GGT6: variants seen among roughly 807,000 people sequenced by gnomAD.
The protein encoded by GGT6 is glutathione hydrolase 6.
Under a neutral mutation model 17.0 loss-of-function variants are expected in GGT6, and 13 were observed. The observed-to-expected ratio is 0.77, with a 90% CI of 0.50 to 1.22. GGT6 has a LOEUF of 1.22. GGT6 is among the 50% of genes most tolerant of loss of function. The pLI is 0.00. For synonymous variants in GGT6, 305 were observed against 297.9 expected (o/e 1.02, Z -0.25); for missense variants, 628 against 643.7 (o/e 0.98, Z 0.26).
chr17:4,559,574 G>A lies in GGT6; in HGVS notation c.327C>T (p.Ala109=). The change falls in exon 2 of 4, where the codon GCC becomes GCT. Residue 109 remains alanine (A), a synonymous_variant. Transcript: ENST00000381550. The part of the protein sequence containing the change: ...SHGPGVYHHG[A]IISPAATCSH... ...CTGACTGACCTGCAGGGCTGATGATGGCACCGTGGTGGTATACGCCAGGGC... is the reference window on the plus strand; with the variant it reads ...CTGACTGACCTGCAGGGCTGATGATAGCACCGTGGTGGTATACGCCAGGGC... 6.2e-7 allele frequency: 1 copy of A among 1,613,748 alleles called. No individual in the cohort carries two copies. Among genetic ancestry groups the A allele is most frequent in the Non-Finnish European group, 8.5e-7 (1 of 1,179,994 alleles).
chr17:4,558,635 A>G lies in GGT6; in HGVS notation c.880T>C (p.Ser294Pro). The G allele has an allele frequency of 1.9e-6, 3 of 1,574,060 alleles. No individual in the cohort carries two copies. Among genetic ancestry groups the G allele is most frequent in the Non-Finnish European group, 2.6e-6 (3 of 1,160,896 alleles). Reference sequence around the variant, plus strand: ...TCCAAAGTGGGCCTGGGCACAGCCGAGGGCACCTCCACCCCCAGGTCTCCC... The same window carrying G: ...TCCAAAGTGGGCCTGGGCACAGCCGGGGGCACCTCCACCCCCAGGTCTCCC... Reference protein sequence around the residue: ...LAGDLGVEVPSAVPRPTLEPA... With the variant: ...LAGDLGVEVPPAVPRPTLEPA... The change falls in exon 4 of 4, where the codon TCG becomes CCG. Residue 294 changes from serine (S) to proline (P), a missense_variant. Physicochemically the swap from Ser to Pro is moderately conservative, Grantham distance 74 (BLOSUM62 -1). Coordinates refer to ENST00000381550, the MANE Select transcript of GGT6 (RefSeq NM_001288702.2).
At position 4,558,336 on chromosome 17, in the gene GGT6, G is replaced by A; in HGVS notation, c.1179C>T (p.Ser393=). 1 of 1,610,150 alleles carries A rather than the reference G, an allele frequency of 6.2e-7. No individual in the cohort carries two copies. Among genetic ancestry groups the A allele is most frequent in the Non-Finnish European group, 8.5e-7 (1 of 1,180,020 alleles). ...TAGTGGTAGACTTGGCCACCAGGTTGCTGAGCAGAACCCCAGTGCTTGGGG... is the reference window on the plus strand; with the variant it reads ...TAGTGGTAGACTTGGCCACCAGGTTACTGAGCAGAACCCCAGTGCTTGGGG... ...HLSPSTGVLL[S]NLVAKSTTSA... is the part of the protein sequence containing the mutation. Residue 393 remains serine, a synonymous_variant, in exon 4 of 4, where the codon AGC becomes AGT. Coordinates refer to ENST00000381550, the MANE Select transcript of GGT6 (RefSeq NM_001288702.2).
rs1908361076 is a variant in GGT6 at position 4,558,639 on chromosome 17, C to T, written c.876G>A (p.Val292=). The change falls in exon 4 of 4, where the codon GTG becomes GTA. Residue 292 remains valine (V), a synonymous_variant. Transcript: ENST00000381550. ...SLLAGDLGVE[V]PSAVPRPTLE... ...AAGTGGGCCTGGGCACAGCCGAGGG[C>T]ACCTCCACCCCCAGGTCTCCCGCCA... is the stretch of plus-strand genomic sequence containing the variant. The T allele has an allele frequency of 1.3e-6, 2 of 1,574,206 alleles. No individual in the cohort carries two copies. Among genetic ancestry groups the T allele is most frequent in the Admixed American group, 3.6e-5 (2 of 55,914 alleles).
rs767002789 is a variant in GGT6, at chr17:4,559,650, G to A, written c.251C>T (p.Ser84Leu). The stretch of plus-strand genomic sequence containing the variant: ...GGCCACAGAGCCCAAGCTTCCTGTC[G>A]ACCTGCCCTGATTCTGGAGCTGCCT... Reference protein sequence around the residue: ...AVRQLQNQGRSTGSLGSVAPP... With the variant: ...AVRQLQNQGRLTGSLGSVAPP... The change falls in exon 2 of 4, where the codon TCG becomes TTG. Residue 84 changes from serine to leucine, a missense_variant. Transcript: ENST00000381550. 9 of 1,613,434 alleles carry A rather than the reference G, an allele frequency of 5.6e-6. No homozygotes were observed. The East Asian group carries it at 1.6e-4, about 28-fold the overall frequency.
Position 4,557,750 on chromosome 17 carries a change from C to A in GGT6, c.*265G>T. The A allele has an allele frequency of 2.7e-6, 1 of 370,430 alleles. No homozygotes were observed. The highest frequency in any genetic ancestry group is 4.9e-6 in the Non-Finnish European group (1 of 205,004). The allele number at this position is 370,430 out of a possible 1,614,324, so 22.9% of individuals were successfully genotyped here. On this transcript the variant is annotated 3_prime_UTR_variant, in exon 4 of 4. Coordinates refer to ENST00000381550, the MANE Select transcript of GGT6 (RefSeq NM_001288702.2). The stretch of plus-strand genomic sequence containing the variant: ...AAGCGAGCTTCCTGCCTCAGCCTCC[C>A]AAGCAGCTGGGACAACAGGCATGTG...
chr17:4,558,027 G>C lies in GGT6; in HGVS notation c.1488C>G (p.Phe496Leu). 1 of 1,539,164 alleles carries C rather than the reference G, an allele frequency of 6.5e-7. No individual in the cohort carries two copies. The highest frequency in any genetic ancestry group is 8.7e-7 in the Non-Finnish European group (1 of 1,143,398). The change falls in exon 4 of 4, where the codon TTC becomes TTG. Residue 496 changes from phenylalanine (F) to leucine (L), a missense_variant. Phe to Leu is a conservative substitution (Grantham distance 22). Transcript: ENST00000381550. Reference protein sequence around the residue: ...VSSVPHACCPFQGF With the variant: ...VSSVPHACCPLQGF Reference sequence around the variant, plus strand: ...CACCCCCATCCTGTTAGAACCCCTGGAAGGGGCAGCAGGCATGGGGGACAC... The same window carrying C: ...CACCCCCATCCTGTTAGAACCCCTGCAAGGGGCAGCAGGCATGGGGGACAC...
chr17:4,559,588 A>G lies in GGT6; in HGVS notation c.313T>C (p.Tyr105His). ...GGGCTGATGATGGCACCGTGGTGGT[A>G]TACGCCAGGGCCGTGGGAGTGTCCG... The part of the protein sequence containing the change: ...PGGHSHGPGV[Y>H]HHGAIISPAA... Residue 105 changes from tyrosine (Y) to histidine (H), a missense_variant, in exon 2 of 4, where the codon TAC becomes CAC. Coordinates refer to ENST00000381550, the MANE Select transcript of GGT6 (RefSeq NM_001288702.2). 6.2e-7 allele frequency: 1 copy of G among 1,613,760 alleles called. No individual in the cohort carries two copies.
chr17:4,560,326 G>T (rs9905862), intron 1 of GGT6, 56 bp downstream of exon 1: 1 of 1,606,194 alleles, frequency 6.2e-7, no homozygotes, highest in African/African-American at 1.3e-5. Flanking sequence ...CCAGAGAGAG[G>T]GACTTGCCAA....
chr17:4,556,757 A>G (rs761383852), downstream of GGT6, among the ~76,000 whole-genome samples: 1 of 151,626 alleles, frequency 6.6e-6, no homozygotes, highest in South Asian at 2.1e-4. Flanking sequence ...CACCTTGCAC[A>G]TCTGGTGCCC....
In GGT6 at chr17:4,559,744, G is replaced by A; in HGVS notation, c.157C>T (p.Leu53=). 6.2e-7 allele frequency: 1 copy of A among 1,611,270 alleles called. No homozygotes were observed. The highest frequency in any genetic ancestry group is 8.5e-7 in the Non-Finnish European group (1 of 1,179,822). Residue 53 remains leucine, a synonymous_variant, in exon 2 of 4, where the codon CTG becomes TTG. Transcript: ENST00000381550. ...QDSSRNKAGG[L]PGTWARVVAA... ...ACTACACGGGCCCAGGTTCCGGGCA[G>A]CCCGCCAGCCTTGTTCCTGCAGAGG...
intron 1 of GGT6, 96 bp downstream of exon 1, chr17:4,560,286 C>G: frequency 7.1e-7 from 1 of 1,406,700 alleles, no homozygotes; most frequent in Non-Finnish European, 9.9e-7. Context: ...CTAAACCCAG[C>G]GGGGAGTCGC....
intron 1 of GGT6, 69 bp from the exon 2 acceptor site, chr17:4,559,829 G>A (rs1398700568): frequency 7.0e-7 from 1 of 1,432,062 alleles, no homozygotes; most frequent in South Asian, 1.2e-5. Flanking sequence ...AGAGACCCCA[G>A]GGAATATTTC....
At position 4,558,406 on chromosome 17, in the gene GGT6, A is replaced by G. The variant is rs1908329850; in HGVS notation, c.1109T>C (p.Leu370Pro). ...AAVDSSGSVL[L>P]LTSSLNCSFG... ...GGAGCAGTTGAGCGAGGAGGTGAGA[A>G]GGAGCACAGAGCCGCTGCTGTCCAC... Residue 370 changes from leucine (L) to proline (P), a missense_variant, in exon 4 of 4, where the codon CTT (leucine) becomes CCT (proline). By Grantham distance (98) the Leu-to-Pro change is moderately conservative. Coordinates refer to ENST00000381550, the MANE Select transcript of GGT6 (RefSeq NM_001288702.2). The G allele has an allele frequency of 6.2e-7, 1 of 1,605,246 alleles. No homozygotes were observed. Among genetic ancestry groups the G allele is most frequent in the Non-Finnish European group, 8.5e-7 (1 of 1,180,000 alleles).
chr17:4,558,612 C>T lies in GGT6; in HGVS notation c.903G>A (p.Leu301=). ...GCACAGGTAGCTGCTCTGCTGGTTC[C>T]AAAGTGGGCCTGGGCACAGCCGAGG... is the stretch of plus-strand genomic sequence containing the variant. The part of the protein sequence containing the change: ...EVPSAVPRPT[L]EPAEQLPVPQ... Residue 301 remains leucine (L), a synonymous_variant, in exon 4 of 4, where the codon TTG becomes TTA. Transcript: ENST00000381550. The T allele has an allele frequency of 6.4e-7, 1 of 1,565,564 alleles. No homozygotes were observed. The highest frequency in any genetic ancestry group is 1.2e-5 in the South Asian group (1 of 81,654).
chr17:4,559,566 CTGA>C lies in GGT6; in HGVS notation c.332_334del (p.Ile111del), dbSNP rs1417144609. 1.2e-6 allele frequency: 2 copies of C among 1,613,574 alleles called. No individual in the cohort carries two copies. The highest frequency in any genetic ancestry group is 3.3e-5 in the Admixed American group (2 of 60,010). On this transcript the variant is annotated inframe_deletion, in exon 2 of 4. Transcript: ENST00000381550. Reference sequence around the variant, plus strand: ...CCCCAGCACTGACTGACCTGCAGGGCTGATGATGGCACCGTGGTGGTATACGCC... The same window carrying C: ...CCCCAGCACTGACTGACCTGCAGGGCTGATGGCACCGTGGTGGTATACGCC...
Position 4,558,147 on chromosome 17 carries a change from A to ATGCTGG in GGT6, c.1362_1367dup (p.His456_Gln457dup). ...GCTCTGTTGGTTCTTGCTGACCCTG[A>ATGCTGG]TGCTGGTGCTGGGCCTGGGTAGGGG... On this transcript the variant is annotated inframe_insertion, in exon 4 of 4. Transcript: ENST00000381550. 6.2e-7 allele frequency: 1 copy of ATGCTGG among 1,613,810 alleles called. No individual in the cohort carries two copies. Among genetic ancestry groups the ATGCTGG allele is most frequent in the East Asian group, 2.2e-5 (1 of 44,874 alleles).
Position 4,558,226 on chromosome 17 carries a change from G to T in GGT6, c.1289C>A (p.Pro430His), listed in dbSNP as rs746558174. ...DVLGLVASGT[P>H]DVARAMTHTL... Reference sequence around the variant, plus strand: ...GTGAGTCATGGCCCTGGCCACATCAGGGGTCCCTGAAGCCACAAGCCCCAA... The same window carrying T: ...GTGAGTCATGGCCCTGGCCACATCATGGGTCCCTGAAGCCACAAGCCCCAA... The change falls in exon 4 of 4, where the codon CCT (proline) becomes CAT (histidine). Residue 430 changes from proline (P) to histidine (H), a missense_variant. Transcript: ENST00000381550. 6 of 1,614,188 alleles carry T rather than the reference G, an allele frequency of 3.7e-6. No homozygotes were observed. In the South Asian group the frequency reaches 6.6e-5, roughly 18 times the overall value.
downstream of GGT6, among the ~76,000 whole-genome samples, chr17:4,556,637 C>G (rs939561570): frequency 6.6e-6 from 1 of 152,198 alleles, no homozygotes; most frequent in African/African-American, 2.4e-5. Context: ...CCTTGAATTT[C>G]CACACGCTCA....
intron 1 of GGT6, among the ~76,000 whole-genome samples, 165 bp downstream of exon 1, chr17:4,560,217 G>A (rs1908539226): frequency 6.6e-6 from 1 of 152,228 alleles, no homozygotes; most frequent in Admixed American, 6.5e-5. Flanking sequence ...GATTGGGTCA[G>A]GCCAAGTCTC....
Sources: allele counts gnomAD v4.1 joint callset (sites outside exome capture counted in the v4.1 genomes callset), GRCh38; gene constraint gnomAD v4.1.1; transcripts MANE v1.5; gene names NCBI Gene and HGNC (gene_info 2026-07-23, HGNC 2026-07-21).